The following ZNF674 variants were observed in gnomAD, a reference collection of about 807,000 sequenced individuals.
ZNF674 encodes zinc finger family member 674.
In ZNF674, 2 loss-of-function variants were observed where a neutral mutation model predicts 7.0. That is an observed-to-expected ratio of 0.29 (90% CI 0.12 to 0.90). ZNF674 has a LOEUF of 0.90. Among genes scored for constraint, ZNF674 ranks in the 40% least tolerant of loss-of-function variants. The probability of loss-of-function intolerance (pLI) is 0.57; values close to 1 mark genes in which losing one functional copy is unlikely to be tolerated. For missense variants in ZNF674, 297 were observed against 415.5 expected (o/e 0.71, Z 2.48); for synonymous variants, 103 against 145.2 (o/e 0.71, Z 2.09).
rs1602079134 is a variant in ZNF674 at position 46,529,022 on chromosome X, C to T, written c.16-113G>A. 1.0e-5 allele frequency: 12 copies of T among 1,172,104 alleles called. No individual in the cohort carries two copies. In the East Asian group the frequency reaches 3.6e-4, roughly 35 times the overall value. On this transcript the variant is annotated intron_variant, in intron 3 of 5. Coordinates refer to ENST00000683375, the MANE Select transcript of ZNF674 (RefSeq NM_001190417.2). ...TGCCCTTTGAGGTCCTTTACATGTA[C>T]TAAAGATTTCAGTCTTCGCCGCCAC...
chrX:46,536,867 G>C (rs746178287), intron 3 of ZNF674, among the ~76,000 whole-genome samples: 7 of 112,678 alleles, frequency 6.2e-5, no homozygotes, highest in Non-Finnish European at 9.4e-5. Flanking sequence ...AGGTGACATT[G>C]CTTATGAGAA....
At chrX:46,511,901 TA>T (rs1319121238) in intron 5 of ZNF674, among the ~76,000 whole-genome samples, 1 of 110,866 alleles carries the variant, frequency 9.0e-6, no homozygotes, top group Admixed American at 9.7e-5. Flanking sequence ...TATGTGCCTG[TA>T]ATCCCAGCTA....
At position 46,500,411 on chromosome X, in the gene ZNF674, C is replaced by T. The variant is rs199534410; in HGVS notation, c.1163G>A (p.Ser388Asn). The stretch of plus-strand genomic sequence containing the variant: ...AGAGAGGTGTGACTTTCCTCTGAAG[C>T]TTTTCCCACATTTACTACACTCATA... ...NIYECSKCGKSFRGKSHLSVH... is the reference protein window; with the variant it reads ...NIYECSKCGKNFRGKSHLSVH... Residue 388 changes from serine to asparagine, a missense_variant, in exon 6 of 6, where the codon AGC (serine) becomes AAC (asparagine). Physicochemically the swap from Ser to Asn is conservative, Grantham distance 46 (BLOSUM62 1). Coordinates refer to ENST00000683375, the MANE Select transcript of ZNF674 (RefSeq NM_001190417.2). 971 of 1,209,028 alleles carry T rather than the reference C, an allele frequency of 8.0e-4. 10 individuals are homozygous for T. Among genetic ancestry groups the T allele is most frequent in the Non-Finnish European group, 5.5e-5 (49 of 894,272 alleles).
At chrX:46,515,860 CT>C (rs1193070547) in intron 5 of ZNF674, among the ~76,000 whole-genome samples, 2 of 111,189 alleles carry the variant, frequency 1.8e-5, no homozygotes, top group Non-Finnish European at 3.8e-5. Flanking sequence ...TCCCCCCCAC[CT>C]CAGCCTCCCC....
At chrX:46,543,315 G>C (rs1363989951) in intron 2 of ZNF674, among the ~76,000 whole-genome samples, 2 of 112,099 alleles carry the variant, frequency 1.8e-5, no homozygotes, top group East Asian at 2.8e-4. Context: ...TAATTTTCTT[G>C]TTTATTTGCA....
chrX:46,530,012 G>A (rs1183761574), intron 3 of ZNF674, among the ~76,000 whole-genome samples: 3 of 112,121 alleles, frequency 2.7e-5, no homozygotes, highest in Non-Finnish European at 3.8e-5. Context: ...TGAAGCAAAA[G>A]GGGAAAGGTC....
chrX:46,514,274 GAC>G (rs1941719485), intron 5 of ZNF674, among the ~76,000 whole-genome samples: 1 of 110,859 alleles, frequency 9.0e-6, no homozygotes, highest in South Asian at 3.8e-4. Flanking sequence ...GACTTTAGGG[GAC>G]ACAGAGAACT....
intron 5 of ZNF674, among the ~76,000 whole-genome samples, chrX:46,512,302 C>T (rs377754135): frequency 4.5e-5 from 5 of 110,212 alleles, no homozygotes; most frequent in Non-Finnish European, 7.6e-5. Context: ...GTGGCAGTTG[C>T]GGTGAGCCGA....
Position 46,500,540 on chromosome X carries a change from C to A in ZNF674, c.1034G>T (p.Arg345Ile). The change falls in exon 6 of 6, where the codon AGA becomes ATA. Residue 345 changes from arginine to isoleucine, a missense_variant. Arg to Ile is a moderately conservative substitution (Grantham distance 97). Transcript: ENST00000683375. ...KCTTSSLIYQ[R>I]IHTSEKPQCS... ...CTGAGGTTTCTCACTTGTGTGAATTCTTTGATATATAAGGCTGGACGTAGT... is the reference window on the plus strand; with the variant it reads ...CTGAGGTTTCTCACTTGTGTGAATTATTTGATATATAAGGCTGGACGTAGT... 9 of 1,211,329 alleles carry A rather than the reference C, an allele frequency of 7.4e-6. No homozygotes were observed. The highest frequency in any genetic ancestry group is 8.9e-6 in the Non-Finnish European group (8 of 894,994).
Position 46,500,464 on chromosome X carries a change from A to G in ZNF674, c.1110T>C (p.His370=), listed in dbSNP as rs142411452. ...TGTTCTCTTTTGTATGAGTTCTCCA[A>G]TGTTTAGTGGGACTGGGCTTCTCAT... The part of the protein sequence containing the change: ...ASDEKPSPTK[H]WRTHTKENIY... The change falls in exon 6 of 6, where the codon CAT becomes CAC. Residue 370 remains histidine, a synonymous_variant. Transcript: ENST00000683375. 4 of 1,210,399 alleles carry G rather than the reference A, an allele frequency of 3.3e-6. No homozygotes were observed. Among genetic ancestry groups the G allele is most frequent in the South Asian group, 1.8e-5 (1 of 56,902 alleles).
At chrX:46,503,609 T>C (rs1250904110) in intron 5 of ZNF674, among the ~76,000 whole-genome samples, 1 of 111,586 alleles carries the variant, frequency 9.0e-6, no homozygotes, top group Non-Finnish European at 1.9e-5. Flanking sequence ...TAGGGCAAAA[T>C]GACAGAGATG....
chrX:46,503,085 T>C (rs989920574), intron 5 of ZNF674, among the ~76,000 whole-genome samples: 1 of 112,243 alleles, frequency 8.9e-6, no homozygotes, highest in African/African-American at 3.2e-5. Context: ...TTAGACAAAG[T>C]TCAGTGTAGC....
At chrX:46,521,200 A>G (rs12559448) in intron 5 of ZNF674, among the ~76,000 whole-genome samples, 24,217 of 95,546 alleles carry the variant, frequency 0.25, 2,912 homozygotes, top group Middle Eastern at 0.37. Context: ...GCAAGACTCT[A>G]TCTCAAAAAA....
At chrX:46,520,173 G>A (rs746280593) in intron 5 of ZNF674, among the ~76,000 whole-genome samples, 2 of 111,231 alleles carry the variant, frequency 1.8e-5, no homozygotes, top group Admixed American at 1.9e-4. Context: ...AGGCCAAGTT[G>A]GGCAGATCAC....
chrX:46,510,789 TCAAAACAAAAACAAAAA>T lies in ZNF674; in HGVS notation c.239-9471_239-9455del, dbSNP rs773356711. On this transcript the variant is annotated intron_variant, in intron 5 of 5. Transcript: ENST00000683375. ...CCGGGTAACAGAGCGAGACTCTGTC[TCAAAACAAAAACAAAAA>T]CAAAACAAAACAAAAGTCTTATTAA... is the stretch of plus-strand genomic sequence containing the variant. 4.5e-3 allele frequency among the ~76,000 whole-genome samples: 499 copies of T among 112,039 alleles called. 1 individual carries two copies. Among genetic ancestry groups the T allele is most frequent in the African/African-American group, 0.015 (476 of 30,857 alleles).
At chrX:46,507,933 T>G (rs1197505038) in intron 5 of ZNF674, among the ~76,000 whole-genome samples, 1 of 112,417 alleles carries the variant, frequency 8.9e-6, no homozygotes, top group Non-Finnish European at 1.9e-5. Context: ...TTTCATTTTC[T>G]TTCTTTTCAG....
chrX:46,506,083 G>A (rs1193110611), intron 5 of ZNF674, among the ~76,000 whole-genome samples: 1 of 112,406 alleles, frequency 8.9e-6, no homozygotes, highest in Non-Finnish European at 1.9e-5. Context: ...TAACCTGTAG[G>A]AAAGTGTTAA....
intron 5 of ZNF674, among the ~76,000 whole-genome samples, chrX:46,525,026 TA>T (rs1170346993): frequency 9.1e-6 from 1 of 110,210 alleles, no homozygotes; most frequent in Admixed American, 9.8e-5. Context: ...TAATAATAAT[TA>T]ATTAATTTAA....
At position 46,500,603 on chromosome X, in the gene ZNF674, G is replaced by A. The variant is rs370285911; in HGVS notation, c.971C>T (p.Thr324Ile). The A allele has an allele frequency of 4.5e-5, 54 of 1,209,540 alleles. No individual in the cohort carries two copies. Among genetic ancestry groups the A allele is most frequent in the Non-Finnish European group, 5.8e-5 (52 of 894,764 alleles). ...SSYHLIRHEK[T>I]HIRQAFYKGI... ...TTTATAAAATGCTTGTCTAATGTGT[G>A]TTTTTTCATGTCTAATAAGATGATA... The change falls in exon 6 of 6, where the codon ACA becomes ATA. Residue 324 changes from threonine to isoleucine, a missense_variant. Thr to Ile is a moderately conservative substitution (Grantham distance 89). Coordinates refer to ENST00000683375, the MANE Select transcript of ZNF674 (RefSeq NM_001190417.2).
Sources: gnomAD v4.1 joint callset for allele counts (sites outside exome capture counted in the v4.1 genomes callset) on GRCh38, gnomAD v4.1.1 for gene constraint, MANE v1.5 for transcripts, NCBI Gene and HGNC (gene_info 2026-07-23, HGNC 2026-07-21) for gene names.